Variants in THOC2 observed in about 807,000 individuals in gnomAD.
THOC2 encodes THO complex 2.
Under a neutral mutation model 128.4 loss-of-function variants are expected in THOC2, and 10 were observed. The observed-to-expected ratio is 0.08, with a 90% CI of 0.05 to 0.13. THOC2 has a LOEUF of 0.13. Ranked by LOEUF, THOC2 falls within the 10% of genes least tolerant of loss-of-function variation. The pLI, the probability that THOC2 is intolerant of heterozygous loss-of-function variation, is 1.00. For missense variants in THOC2, 535 were observed against 1,155.7 expected (o/e 0.46, Z 7.79); for synonymous variants, 393 against 396.9 (o/e 0.99, Z 0.12).
chrX:123,706,561 C>CA (rs1295773458), intron 3 of THOC2, among the ~76,000 whole-genome samples: 1 of 84,181 alleles, frequency 1.2e-5, no homozygotes, highest in Non-Finnish European at 2.3e-5. Flanking sequence ...ACAGCACAGG[C>CA]TTTTTTTTTT....
chrX:123,655,763 C>T (rs957557899), intron 12 of THOC2, among the ~76,000 whole-genome samples: 1 of 111,285 alleles, frequency 9.0e-6, no homozygotes, highest in Non-Finnish European at 1.9e-5. Flanking sequence ...ATTTGTAAAT[C>T]AATTTAGAGC....
chrX:123,720,656 A>C (rs775160814), intron 1 of THOC2, among the ~76,000 whole-genome samples: 13 of 111,271 alleles, frequency 1.2e-4, no homozygotes, highest in African/African-American at 4.2e-4. Context: ...AGGTAGAAAC[A>C]ACCTAAATGT....
chrX:123,629,400 G>A (rs755471625), intron 22 of THOC2, among the ~76,000 whole-genome samples: 1 of 110,325 alleles, frequency 9.1e-6, no homozygotes, highest in Non-Finnish European at 1.9e-5. Context: ...ACTTCCTTAC[G>A]TTAGAAAATC....
chrX:123,603,523 G>A (rs780258715), intron 38 of THOC2: 4 of 813,813 alleles, frequency 4.9e-6, no homozygotes, highest in Non-Finnish European at 7.3e-6. Context: ...GGACCTTGCT[G>A]TAAGAAACTG....
chrX:123,702,609 T>C lies in THOC2; in HGVS notation c.274+845A>G, dbSNP rs1157024302. Reference sequence around the variant, plus strand: ...TATATATCTGTATATATAATATATATGTGTATATACATATATTTTATATGT... The same window carrying C: ...TATATATCTGTATATATAATATATACGTGTATATACATATATTTTATATGT... On this transcript the variant is annotated intron_variant, in intron 4 of 38. Transcript: ENST00000245838. 2.9e-5 allele frequency among the ~76,000 whole-genome samples: 3 copies of C among 105,167 alleles called. No individual in the cohort carries two copies. In the East Asian group the frequency reaches 8.5e-4, roughly 30 times the overall value. 91.3% of individuals were successfully genotyped at this position (105,167 alleles called of 115,157 possible). A position where few individuals can be genotyped will look rare whatever the true frequency, so the allele number is the denominator to read the frequency against.
At chrX:123,657,540 G>A (rs778701877) in intron 12 of THOC2, among the ~76,000 whole-genome samples, 1 of 110,727 alleles carries the variant, frequency 9.0e-6, no homozygotes, top group Admixed American at 9.7e-5. Flanking sequence ...TGCTGGGTGT[G>A]GGGGAGAACA....
At position 123,645,702 on chromosome X, in the gene THOC2, C is replaced by T. The variant is rs780363963; in HGVS notation, c.1387-327G>A. Among the ~76,000 whole-genome samples the T allele has an allele frequency of 3.8e-3, 426 of 112,806 alleles. 1 individual carries two copies. Among genetic ancestry groups the T allele is most frequent in the Middle Eastern group, 0.014 (3 of 218 alleles). On this transcript the variant is annotated intron_variant, in intron 12 of 38. Transcript: ENST00000245838. ...AAGGGCTGGGCGCGGTGCCTCACGCCTGTAATCCCAGCACTTTGGGAGGCC... is the reference window on the plus strand; with the variant it reads ...AAGGGCTGGGCGCGGTGCCTCACGCTTGTAATCCCAGCACTTTGGGAGGCC...
intron 21 of THOC2, 83 bp downstream of exon 21, chrX:123,632,778 G>A: frequency 2.4e-6 from 2 of 819,669 alleles, no homozygotes; most frequent in Non-Finnish European, 1.7e-6. Context: ...GTGCAAAAAT[G>A]ACATTTTTCA....
rs777668618 is a variant in THOC2, at chrX:123,615,040, A to G, written c.4312-851T>C. Among the ~76,000 whole-genome samples the G allele has an allele frequency of 4.5e-5, 5 of 111,909 alleles. No individual in the cohort carries two copies. In the East Asian group the frequency reaches 1.4e-3, roughly 31 times the overall value. ...ATATGGAAATATGCTGTAACATAAAATATTTAGGAAGTAGTCAGGAAATAA... is the reference window on the plus strand; with the variant it reads ...ATATGGAAATATGCTGTAACATAAAGTATTTAGGAAGTAGTCAGGAAATAA... On this transcript the variant is annotated intron_variant, in intron 33 of 38. Coordinates refer to ENST00000245838, the MANE Select transcript of THOC2 (RefSeq NM_001081550.2).
intron 28 of THOC2, chrX:123,623,552 T>C (rs1010366672): frequency 1.5e-6 from 1 of 652,242 alleles, no homozygotes; most frequent in Non-Finnish European, 2.3e-6. Context: ...AAAATTATAT[T>C]TCCTCCCAAT....
chrX:123,730,710 C>T (rs2052207689), intron 1 of THOC2, among the ~76,000 whole-genome samples: 1 of 111,378 alleles, frequency 9.0e-6, no homozygotes, highest in Non-Finnish European at 1.9e-5. Context: ...GTTGGGAGGC[C>T]GAGGTGGGCG....
At position 123,609,161 on chromosome X, in the gene THOC2, G is replaced by A. The variant is rs952314165; in HGVS notation, c.*18+1757C>T. Among the ~76,000 whole-genome samples, 10 of 111,607 alleles carry A rather than the reference G, an allele frequency of 9.0e-5. No individual in the cohort carries two copies. In the East Asian group the frequency reaches 2.2e-3, roughly 25 times the overall value. On this transcript the variant is annotated intron_variant, in intron 38 of 38. Transcript: ENST00000245838. Reference sequence around the variant, plus strand: ...GGGCTTTTTGTTTTTCTTTTAATAGGGAGACCACATGTGACAGCAAAATGC... The same window carrying A: ...GGGCTTTTTGTTTTTCTTTTAATAGAGAGACCACATGTGACAGCAAAATGC...
intron 31 of THOC2, 32 bp downstream of exon 31, chrX:123,621,125 A>G (rs368925055): frequency 9.3e-6 from 11 of 1,177,870 alleles, no homozygotes; most frequent in Non-Finnish European, 1.2e-5. Context: ...AAATAACAAA[A>G]CGTAAGAACG....
chrX:123,714,987 G>A (rs773903689), intron 1 of THOC2, among the ~76,000 whole-genome samples: 15 of 106,302 alleles, frequency 1.4e-4, no homozygotes, highest in Admixed American at 5.1e-4. Context: ...TACCAAAAGC[G>A]GTTCAAAAGA....
intron 8 of THOC2, among the ~76,000 whole-genome samples, chrX:123,678,406 C>T (rs1363175290): frequency 9.2e-6 from 1 of 108,880 alleles, no homozygotes; most frequent in Non-Finnish European, 1.9e-5. Flanking sequence ...GCCAGGATTA[C>T]AGGTCTGCAC....
intron 38 of THOC2, among the ~76,000 whole-genome samples, chrX:123,609,089 T>G (rs1246797442): frequency 8.9e-6 from 1 of 112,128 alleles, no homozygotes; most frequent in Non-Finnish European, 1.9e-5. Flanking sequence ...ACTGTGAAAG[T>G]TGTCAGTGAC....
chrX:123,655,487 T>C (rs1019490094), intron 12 of THOC2, among the ~76,000 whole-genome samples: 6 of 111,949 alleles, frequency 5.4e-5, no homozygotes, highest in Non-Finnish European at 1.1e-4. Flanking sequence ...AAATTTCAAA[T>C]TACATAAAAA....
At chrX:123,693,381 G>A (rs1228807465) in intron 7 of THOC2, among the ~76,000 whole-genome samples, 3 of 111,881 alleles carry the variant, frequency 2.7e-5, no homozygotes, top group African/African-American at 6.5e-5. Flanking sequence ...CACGAGAATC[G>A]TTTGAACCTG....
At chrX:123,678,672 C>T (rs2049617029) in intron 8 of THOC2, among the ~76,000 whole-genome samples, 1 of 110,723 alleles carries the variant, frequency 9.0e-6, no homozygotes, top group African/African-American at 3.3e-5. Flanking sequence ...TCTTGGGCCT[C>T]TTCTTCAGCT....
Sources: allele counts gnomAD v4.1 joint callset (sites outside exome capture counted in the v4.1 genomes callset), GRCh38; gene constraint gnomAD v4.1.1; transcripts MANE v1.5; gene names NCBI Gene and HGNC (gene_info 2026-07-23, HGNC 2026-07-21).